ADGRL3: variants seen among roughly 807,000 people sequenced by gnomAD.
ADGRL3 encodes calcium-independent alpha-latrotoxin receptor 3.
A neutral mutation model predicts 153.5 loss-of-function variants in ADGRL3; 62 were observed. The observed-to-expected ratio is 0.40, with a 90% CI of 0.33 to 0.50. The LOEUF is 0.50. Among genes scored for constraint, ADGRL3 ranks in the 20% least tolerant of loss-of-function variants. ADGRL3 has a pLI of 0.47. For missense variants in ADGRL3, 1,641 were observed against 1,859.4 expected, an observed-to-expected ratio of 0.88 and a Z score of 2.16; for synonymous variants, 710 against 672.5, an observed-to-expected ratio of 1.06 and a Z score of -0.86.
intron 1 of ADGRL3, among the ~76,000 whole-genome samples, chr4:61,209,156 C>T (rs1032661837): frequency 6.6e-6 from 1 of 152,030 alleles, no homozygotes; most frequent in Admixed American, 6.6e-5. Context: ...TATTTCCTTC[C>T]AGAACTTTGG....
intron 8 of ADGRL3, among the ~76,000 whole-genome samples, chr4:61,803,503 G>A (rs965599237): frequency 1.3e-5 from 2 of 152,020 alleles, no homozygotes; most frequent in South Asian, 2.1e-4. Context: ...TTTCACTGAC[G>A]TCTCTCTCAC....
At chr4:61,350,340 G>A (rs1489972194) in intron 1 of ADGRL3, among the ~76,000 whole-genome samples, 4 of 131,548 alleles carry the variant, frequency 3.0e-5, no homozygotes, top group Admixed American at 1.8e-4. Context: ...CATTCTGATG[G>A]AGGTTTTTTT....
At chr4:61,780,530 A>G (rs949133516) in intron 8 of ADGRL3, among the ~76,000 whole-genome samples, 6 of 152,206 alleles carry the variant, frequency 3.9e-5, no homozygotes, top group East Asian at 1.9e-4. Flanking sequence ...AACTTAAGGC[A>G]AAGGTTATGT....
chr4:61,742,548 G>A (rs890522804), intron 8 of ADGRL3, among the ~76,000 whole-genome samples: 3 of 152,052 alleles, frequency 2.0e-5, no homozygotes, highest in Admixed American at 6.6e-5. Flanking sequence ...CCAAAGTGCT[G>A]GGATTACAGG....
intron 3 of ADGRL3, among the ~76,000 whole-genome samples, chr4:61,499,363 ATATACT>A (rs992500682): frequency 2.0e-5 from 3 of 152,172 alleles, no homozygotes; most frequent in Non-Finnish European, 2.9e-5. Flanking sequence ...TTCTTAATTC[ATATACT>A]TATACATTCA....
intron 9 of ADGRL3, among the ~76,000 whole-genome samples, chr4:61,820,098 C>T (rs1288538918): frequency 2.0e-5 from 3 of 152,016 alleles, no homozygotes; most frequent in African/African-American, 7.2e-5. Flanking sequence ...TGTTTCTTTT[C>T]TGATAGTGTT....
chr4:62,077,989 T>A lies in ADGRL3; in HGVS notation c.*7081T>A, dbSNP rs1360105140. ...TGGAAGTGGATGGATAACTTGGAAC[T>A]TTTTCCATACTGTTTTCCCCCTCAC... On this transcript the variant is annotated 3_prime_UTR_variant, in exon 27 of 27. Transcript: ENST00000683033. 1.3e-5 allele frequency: 2 copies of A among 152,098 alleles called. No homozygotes were observed. Among genetic ancestry groups the A allele is most frequent in the East Asian group, 3.9e-4 (2 of 5,170 alleles). 9.4% of individuals were successfully genotyped at this position (152,098 alleles called of 1,614,324 possible).
intron 26 of ADGRL3, among the ~76,000 whole-genome samples, chr4:62,069,001 A>G (rs1293645553): frequency 6.6e-6 from 1 of 152,190 alleles, no homozygotes; most frequent in Non-Finnish European, 1.5e-5. Flanking sequence ...GAATTCTCCA[A>G]TTAATATTTC....
intron 17 of ADGRL3, among the ~76,000 whole-genome samples, chr4:61,954,850 C>T (rs1055188154): frequency 6.6e-6 from 1 of 152,126 alleles, no homozygotes; most frequent in Non-Finnish European, 1.5e-5. Flanking sequence ...GCCCCATCTC[C>T]ACAAAATATA....
At chr4:61,481,120 GCAATGACCTAATTAATA>G (rs2098127651) in intron 2 of ADGRL3, among the ~76,000 whole-genome samples, 1 of 152,118 alleles carries the variant, frequency 6.6e-6, no homozygotes, top group South Asian at 2.1e-4. Context: ...TTATATAATT[GCAATGACCTAATTAATA>G]CAATGACCTA....
At chr4:61,260,688 T>C (rs1409263798) in intron 1 of ADGRL3, among the ~76,000 whole-genome samples, 1 of 152,136 alleles carries the variant, frequency 6.6e-6, no homozygotes, top group Non-Finnish European at 1.5e-5. Context: ...TTAGGAGCAT[T>C]GTAATCTTAT....
intron 22 of ADGRL3, among the ~76,000 whole-genome samples, chr4:62,030,961 G>A (rs72640027): frequency 0.2 from 30,680 of 151,192 alleles, 3,310 homozygotes; most frequent in Middle Eastern, 0.27. Context: ...CTCCTAATAC[G>A]AGTTATATTT....
chr4:61,856,600 CTCTCTTTTTTTTTTTT>C (rs1398963362), intron 9 of ADGRL3, among the ~76,000 whole-genome samples: 5 of 23,456 alleles, frequency 2.1e-4, no homozygotes, highest in Non-Finnish European at 5.4e-4. Context: ...CTCTCTCTCT[CTCTCTTTTTTTTTTTT>C]TTTTTTTTTT....
chr4:61,729,321 T>C (rs1277703296), intron 6 of ADGRL3, among the ~76,000 whole-genome samples: 2 of 151,938 alleles, frequency 1.3e-5, no homozygotes, highest in African/African-American at 4.8e-5. Context: ...TGCCAGTTTT[T>C]CCTTGGTGAG....
chr4:62,008,901 T>G (rs1159507402), intron 21 of ADGRL3, among the ~76,000 whole-genome samples: 1 of 152,104 alleles, frequency 6.6e-6, no homozygotes, highest in East Asian at 1.9e-4. Flanking sequence ...TCCTGTACCT[T>G]TCTTATGTTT....
intron 6 of ADGRL3, among the ~76,000 whole-genome samples, chr4:61,711,491 T>TATATATATATATATAC (rs757078842): frequency 2.8e-4 from 25 of 89,178 alleles, no homozygotes; most frequent in Admixed American, 1.3e-3. Context: ...TATATATATA[T>TATATATATATATATAC]ACACACACAC....
intron 8 of ADGRL3, among the ~76,000 whole-genome samples, chr4:61,799,033 A>G (rs1051860216): frequency 7.7e-5 from 10 of 129,288 alleles, no homozygotes; most frequent in African/African-American, 2.1e-4. Context: ...ATATATATAT[A>G]TATATACCAT....
chr4:61,831,934 C>G (rs7661685), intron 9 of ADGRL3, among the ~76,000 whole-genome samples: 2,935 of 151,976 alleles, frequency 0.019, 94 homozygotes, highest in African/African-American at 0.067. Flanking sequence ...AAATCTAAAG[C>G]CTGCAGATTA....
intron 9 of ADGRL3, among the ~76,000 whole-genome samples, chr4:61,821,821 C>G (rs1382997930): frequency 1.3e-5 from 2 of 152,140 alleles, no homozygotes; most frequent in African/African-American, 2.4e-5. Context: ...TTCAGCAAAT[C>G]CACTCACTGA....
Sources: allele counts gnomAD v4.1 joint callset (sites outside exome capture counted in the v4.1 genomes callset), GRCh38; gene constraint gnomAD v4.1.1; transcripts MANE v1.5; gene names NCBI Gene and HGNC (gene_info 2026-07-23, HGNC 2026-07-21).